The following WWOX variants were observed in gnomAD, a reference collection of about 807,000 sequenced individuals.
WWOX encodes WW domain containing oxidoreductase.
A neutral mutation model predicts 46.2 loss-of-function variants in WWOX; 69 were observed. The ratio of observed to expected loss-of-function variants is 1.49; its 90% CI spans 1.23 to 1.82. WWOX has a LOEUF of 1.82. Ranked by LOEUF, WWOX falls within the 40% of genes most tolerant of loss-of-function variation. The pLI, the probability that WWOX is intolerant of heterozygous loss-of-function variation, is 0.00. For missense variants in WWOX, 919 were observed against 542.6 expected, an observed-to-expected ratio of 1.69 and a Z score of -6.89; for synonymous variants, 359 against 202.6, an observed-to-expected ratio of 1.77 and a Z score of -6.56.
At chr16:78,420,940 AT>A (rs2082913491) in intron 6 of WWOX, among the ~76,000 whole-genome samples, 1 of 152,066 alleles carries the variant, frequency 6.6e-6, no homozygotes, top group Admixed American at 6.6e-5. Context: ...ATTAATTTTA[AT>A]TTCCTGCTTT....
intron 6 of WWOX, among the ~76,000 whole-genome samples, chr16:78,408,365 C>T (rs953889026): frequency 6.6e-6 from 1 of 152,130 alleles, no homozygotes; most frequent in South Asian, 2.1e-4. Context: ...TAATATAAGG[C>T]CCCAGACCCA....
At position 78,386,873 on chromosome 16, in the gene WWOX, T is replaced by C. The variant is rs2151934103; in HGVS notation, c.530T>C (p.Val177Ala). The change falls in exon 6 of 9, where the codon GTA (valine) becomes GCA (alanine). Residue 177 changes from valine to alanine, a missense_variant. Transcript: ENST00000566780. Reference sequence around the variant, plus strand: ...CTCTCATTGCAGCATAAAGCCAAGGTAGAAGCAATGACCCTGGACCTCGCT... The same window carrying C: ...CTCTCATTGCAGCATAAAGCCAAGGCAGAAGCAATGACCCTGGACCTCGCT... ...RILEEWHKAK[V>A]EAMTLDLALL... The C allele has an allele frequency of 1.2e-6, 2 of 1,614,102 alleles. No homozygotes were observed. Among genetic ancestry groups the C allele is most frequent in the Admixed American group, 3.3e-5 (2 of 60,010 alleles).
intron 8 of WWOX, among the ~76,000 whole-genome samples, chr16:78,822,410 C>G (rs573982127): frequency 6.6e-6 from 1 of 152,244 alleles, no homozygotes; most frequent in Admixed American, 6.5e-5. Context: ...AGGAGAATGG[C>G]TTGAACCCAG....
At chr16:78,957,229 G>A (rs76074231) in intron 8 of WWOX, among the ~76,000 whole-genome samples, 5,363 of 152,212 alleles carry the variant, frequency 0.035, 331 homozygotes, top group African/African-American at 0.12. Context: ...AAACCACACC[G>A]CCGTCCTTTT....
intron 8 of WWOX, among the ~76,000 whole-genome samples, chr16:78,471,881 T>G (rs2084231061): frequency 6.6e-6 from 1 of 152,224 alleles, no homozygotes; most frequent in African/African-American, 2.4e-5. Context: ...TTGCAATTTT[T>G]TTTTCTATTC....
chr16:79,051,500 T>C (rs1342486335), intron 8 of WWOX, among the ~76,000 whole-genome samples: 2 of 148,720 alleles, frequency 1.3e-5, no homozygotes, highest in Admixed American at 6.7e-5. Context: ...ACTTATGTCA[T>C]TGGCTACAAC....
At chr16:78,132,739 C>T (rs964138327) in intron 4 of WWOX, among the ~76,000 whole-genome samples, 18 of 152,156 alleles carry the variant, frequency 1.2e-4, no homozygotes, top group South Asian at 2.1e-4. Context: ...GCTCCTGTTA[C>T]GACTTAGCCC....
At position 79,055,226 on chromosome 16, in the gene WWOX, T is replaced by G. The variant is rs536009328; in HGVS notation, c.1057-156382T>G. ...GGACACTTGCTGTTTTCTGTTATTT[T>G]GGTTTATATTGCTTAATTAGCCAGC... On this transcript the variant is annotated intron_variant, in intron 8 of 8. Transcript: ENST00000566780. Among the ~76,000 whole-genome samples the G allele has an allele frequency of 6.6e-5, 10 of 152,312 alleles. No individual in the cohort carries two copies. In the South Asian group the frequency reaches 2.1e-3, roughly 32 times the overall value.
In WWOX at chr16:78,164,232, G is replaced by A. The variant is rs775252317; in HGVS notation, c.459G>A (p.Leu153=). The change falls in exon 5 of 9, where the codon TTG becomes TTA. Residue 153 remains leucine (L), a synonymous_variant. Coordinates refer to ENST00000566780, the MANE Select transcript of WWOX (RefSeq NM_016373.4). ...SFALHGAHVI[L]ACRNMARASE... is the part of the protein sequence containing the mutation. The stretch of plus-strand genomic sequence containing the variant: ...CCCTCCATGGTGCACATGTGATCTT[G>A]GCCTGCAGGAACATGGCAAGGGCGA... The A allele has an allele frequency of 1.2e-6, 2 of 1,614,106 alleles. No individual in the cohort carries two copies. Among genetic ancestry groups the A allele is most frequent in the Admixed American group, 3.3e-5 (2 of 60,010 alleles).
At chr16:78,160,548 A>G (rs182915919) in intron 4 of WWOX, among the ~76,000 whole-genome samples, 86 of 152,186 alleles carry the variant, frequency 5.7e-4, no homozygotes, top group Non-Finnish European at 1.2e-4. Context: ...TTTCATTGTA[A>G]TTTTTTGAGC....
intron 8 of WWOX, among the ~76,000 whole-genome samples, chr16:79,068,650 C>A (rs1048568673): frequency 1.3e-4 from 19 of 147,916 alleles, no homozygotes; most frequent in Non-Finnish European, 2.3e-4. Context: ...ACAACAACAA[C>A]AAAAAAAAAA....
chr16:78,957,499 G>T (rs1360805695), intron 8 of WWOX, among the ~76,000 whole-genome samples: 1 of 152,170 alleles, frequency 6.6e-6, no homozygotes, highest in Non-Finnish European at 1.5e-5. Flanking sequence ...TGAGACACCA[G>T]AACAGGTGTT....
chr16:79,037,786 T>C (rs2047896423), intron 8 of WWOX, among the ~76,000 whole-genome samples: 1 of 152,148 alleles, frequency 6.6e-6, no homozygotes, highest in Non-Finnish European at 1.5e-5. Context: ...CAAGGTCATC[T>C]AGACATTTTT....
intron 4 of WWOX, among the ~76,000 whole-genome samples, chr16:78,147,150 A>AG (rs1567598049): frequency 6.9e-6 from 1 of 145,800 alleles, no homozygotes. Context: ...TATCAGAGAT[A>AG]CTTTTTTTTT....
intron 8 of WWOX, among the ~76,000 whole-genome samples, chr16:78,664,218 C>G (rs1353427540): frequency 6.6e-6 from 1 of 152,172 alleles, no homozygotes; most frequent in African/African-American, 2.4e-5. Context: ...CATGACCACA[C>G]TGAGCATATT....
chr16:78,770,446 C>G (rs1374667665), intron 8 of WWOX, among the ~76,000 whole-genome samples: 3 of 152,180 alleles, frequency 2.0e-5, no homozygotes, highest in African/African-American at 7.2e-5. Flanking sequence ...CAGGAAAGAG[C>G]AAATCTGGGG....
chr16:78,312,666 T>G (rs1484156888), intron 5 of WWOX, among the ~76,000 whole-genome samples: 2 of 152,190 alleles, frequency 1.3e-5, no homozygotes, highest in African/African-American at 4.8e-5. Flanking sequence ...TGAGCCACTG[T>G]GCCTGGCTGG....
intron 8 of WWOX, among the ~76,000 whole-genome samples, chr16:78,700,062 C>G (rs185378500): frequency 3.5e-4 from 53 of 152,158 alleles, no homozygotes; most frequent in Non-Finnish European, 5.7e-4. Flanking sequence ...TTGATGCTGG[C>G]TACACCCTCA....
At chr16:78,677,543 G>C (rs140280699) in intron 8 of WWOX, among the ~76,000 whole-genome samples, 1 of 152,148 alleles carries the variant, frequency 6.6e-6, no homozygotes, top group African/African-American at 2.4e-5. Context: ...TCTGCTCTAG[G>C]AGGAATAGTT....
Sources: allele counts gnomAD v4.1 joint callset (sites outside exome capture counted in the v4.1 genomes callset), GRCh38; gene constraint gnomAD v4.1.1; transcripts MANE v1.5; gene names NCBI Gene and HGNC (gene_info 2026-07-23, HGNC 2026-07-21).